The following DYRK2 variants were observed in gnomAD, a reference collection of about 807,000 sequenced individuals.
The protein encoded by DYRK2 is dual specificity tyrosine phosphorylation regulated kinase 2.
In DYRK2, 12 loss-of-function variants were observed where a neutral mutation model predicts 41.6. The ratio of observed to expected loss-of-function variants is 0.29; its 90% CI spans 0.18 to 0.47. DYRK2 has a LOEUF of 0.47. Ranked by LOEUF, DYRK2 falls within the 20% of genes least tolerant of loss-of-function variation. The pLI is 1.00. For synonymous variants in DYRK2, 322 were observed against 315.7 expected, an observed-to-expected ratio of 1.02 and a Z score of -0.21; for missense variants, 678 against 798.4, an observed-to-expected ratio of 0.85 and a Z score of 1.82.
chr12:67,657,878 TG>T lies in DYRK2; in HGVS notation c.973del (p.Val325PhefsTer20). 6.2e-7 allele frequency: 1 copy of T among 1,614,252 alleles called. No homozygotes were observed. On this transcript the variant is annotated frameshift_variant, in exon 3 of 3. Transcript: ENST00000344096. LOFTEE classifies it high-confidence loss of function. The surrounding 1 kb of genome is among the most constrained non-coding windows in gnomAD (Gnocchi z 4.8). ...AAATTCCAGGGCTTCAGTCTGCCTT[TG>T]GTTCGCAAGTTTGCCCACTCGATTC... ...KNKFQGFSLPLVRKFAHSILQ... is the reference protein window; with the variant it reads ...KNKFQGFSLPXVRKFAHSILQ...
chr12:67,656,392 G>A (rs1872468962), intron 2 of DYRK2, among the ~76,000 whole-genome samples: 1 of 152,206 alleles, frequency 6.6e-6, no homozygotes, highest in South Asian at 2.1e-4. Context: ...AAACAGTGTG[G>A]TCGTTGCTTG....
In DYRK2 at chr12:67,658,545, G is replaced by A. The variant is rs1872546599; in HGVS notation, c.1638G>A (p.Glu546=). 3.7e-6 allele frequency: 6 copies of A among 1,614,102 alleles called. No individual in the cohort carries two copies. The highest frequency in any genetic ancestry group is 5.1e-6 in the Non-Finnish European group (6 of 1,179,986). The change falls in exon 3 of 3, where the codon GAG becomes GAA. Residue 546 remains glutamate (E), a synonymous_variant. Coordinates refer to ENST00000344096, the MANE Select transcript of DYRK2 (RefSeq NM_006482.3). The surrounding 1 kb of genome is among the most constrained non-coding windows in gnomAD (Gnocchi z 4.3). ...GGTTGCCAAAGCCTCCCACCGGGGA[G>A]AAAACGTCAGTGAAAAGGATAACTG... ...RRRLPKPPTG[E]KTSVKRITES...
chr12:67,658,616 C>T lies in DYRK2; in HGVS notation c.1709C>T (p.Ser570Phe), dbSNP rs544724491. The change falls in exon 3 of 3, where the codon TCT (serine) becomes TTT (phenylalanine). Residue 570 changes from serine to phenylalanine, a missense_variant. Transcript: ENST00000344096. The surrounding 1 kb of genome is among the most constrained non-coding windows in gnomAD (Gnocchi z 4.3). ...ITSISKLPPPSSSASKLRTNL... is the reference protein window; with the variant it reads ...ITSISKLPPPFSSASKLRTNL... ...TCTATATCCAAGTTACCTCCACCTT[C>T]TAGCTCAGCTTCCAAACTGAGGACT... 1 of 1,614,074 alleles carries T rather than the reference C, an allele frequency of 6.2e-7. No individual in the cohort carries two copies. The highest frequency in any genetic ancestry group is 8.5e-7 in the Non-Finnish European group (1 of 1,180,048).
intron 2 of DYRK2, chr12:67,651,749 C>T (rs2120813971): frequency 2.7e-6 from 1 of 373,834 alleles, no homozygotes; most frequent in South Asian, 2.0e-5. Flanking sequence ...ACAAGGACCA[C>T]AGAGTTTATC....
rs1465837672 is a variant in DYRK2, at chr12:67,660,085, C to T, written c.*1372C>T. 1.2e-5 allele frequency: 2 copies of T among 166,740 alleles called. No individual in the cohort carries two copies. Among genetic ancestry groups the T allele is most frequent in the African/African-American group, 4.8e-5 (2 of 41,314 alleles). The allele number at this position is 166,740 out of a possible 1,614,324, so 10.3% of individuals were successfully genotyped here. ...ATAATTATTTTCACAGTGAAAATTTCAGTATTTTATCACTAATGTATGAGC... is the reference window on the plus strand; with the variant it reads ...ATAATTATTTTCACAGTGAAAATTTTAGTATTTTATCACTAATGTATGAGC... On this transcript the variant is annotated 3_prime_UTR_variant, in exon 3 of 3. Transcript: ENST00000344096.
At chr12:67,650,582 G>C (rs769520481) in intron 2 of DYRK2, among the ~76,000 whole-genome samples, 3 of 152,234 alleles carry the variant, frequency 2.0e-5, no homozygotes, top group Admixed American at 1.3e-4. Context: ...TTATTCAAAA[G>C]GAAAGGGCAA....
Sources: gnomAD v4.1 joint callset for allele counts (sites outside exome capture counted in the v4.1 genomes callset) on GRCh38, gnomAD v4.1.1 for gene constraint, Gnocchi (gnomAD v3.1) non-coding constraint, MANE v1.5 for transcripts, NCBI Gene and HGNC (gene_info 2026-07-23, HGNC 2026-07-21) for gene names.